The following HCN1 variants were observed in gnomAD, a reference collection of about 807,000 sequenced individuals.
The protein encoded by HCN1 is potassium/sodium hyperpolarization-activated cyclic nucleotide-gated channel 1.
Under a neutral mutation model 78.9 loss-of-function variants are expected in HCN1, and 13 were observed. That is an observed-to-expected ratio of 0.16 (90% CI 0.11 to 0.26). The LOEUF is 0.26. Ranked by LOEUF, HCN1 falls within the 10% of genes least tolerant of loss-of-function variation. The pLI, the probability that HCN1 is intolerant of heterozygous loss-of-function variation, is 1.00. For missense variants in HCN1, 810 were observed against 1,154.3 expected (o/e 0.70, Z 4.32); for synonymous variants, 552 against 455.5 (o/e 1.21, Z -2.70).
intron 2 of HCN1, 80 bp from the exon 3 acceptor site, chr5:45,462,087 T>A: frequency 9.4e-7 from 1 of 1,059,304 alleles, no homozygotes; most frequent in South Asian, 1.3e-5. Context: ...TAGGCATTGA[T>A]GTTGTGTAGC....
chr5:45,538,779 G>C (rs554491738), intron 2 of HCN1, among the ~76,000 whole-genome samples: 6 of 152,068 alleles, frequency 3.9e-5, no homozygotes, highest in Admixed American at 6.6e-5. Context: ...TTAAAAAAAA[G>C]ATTTCTTGTA....
intron 6 of HCN1, among the ~76,000 whole-genome samples, chr5:45,300,113 T>G (rs1005477000): frequency 6.6e-6 from 1 of 152,014 alleles, no homozygotes; most frequent in Admixed American, 6.6e-5. Context: ...ATTTAAAACC[T>G]CCTCTGAATT....
At position 45,619,398 on chromosome 5, in the gene HCN1, G is replaced by A. The variant is rs544827723; in HGVS notation, c.849+25787C>T. On this transcript the variant is annotated intron_variant, in intron 2 of 7. Transcript: ENST00000303230. ...GAATACACGGTGAATCGAACATTGT[G>A]TAGTGCCAGAAAATAAGGAAGTGCT... 3.7e-4 allele frequency among the ~76,000 whole-genome samples: 56 copies of A among 152,226 alleles called. 1 individual carries two copies. The highest frequency in any genetic ancestry group is 1.4e-3 in the Admixed American group (22 of 15,280).
chr5:45,500,593 TTAAA>T (rs1742167588), intron 2 of HCN1, among the ~76,000 whole-genome samples: 1 of 152,172 alleles, frequency 6.6e-6, no homozygotes, highest in African/African-American at 2.4e-5. Flanking sequence ...ACAATATAGT[TTAAA>T]TAACCCATAA....
chr5:45,621,713 CA>C (rs1745065572), intron 2 of HCN1, among the ~76,000 whole-genome samples: 1 of 151,794 alleles, frequency 6.6e-6, no homozygotes, highest in Non-Finnish European at 1.5e-5. Flanking sequence ...TTTTGAATAC[CA>C]CATAAATACA....
intron 2 of HCN1, among the ~76,000 whole-genome samples, chr5:45,590,508 C>T (rs988379587): frequency 3.3e-5 from 5 of 152,144 alleles, no homozygotes; most frequent in Non-Finnish European, 5.9e-5. Flanking sequence ...TTTGTTATTA[C>T]CCAAAGTCCA....
At chr5:45,655,310 TCAAA>T (rs1265169143) in intron 1 of HCN1, among the ~76,000 whole-genome samples, 1 of 152,092 alleles carries the variant, frequency 6.6e-6, no homozygotes, top group Non-Finnish European at 1.5e-5. Context: ...TGTTTGATAC[TCAAA>T]CAACCAAAGA....
At chr5:45,636,787 C>A (rs1580010878) in intron 2 of HCN1, among the ~76,000 whole-genome samples, 1 of 152,102 alleles carries the variant, frequency 6.6e-6, no homozygotes, top group Admixed American at 6.5e-5. Flanking sequence ...TTGCAGTGAG[C>A]TATATAATCC....
intron 3 of HCN1, among the ~76,000 whole-genome samples, chr5:45,457,132 A>AT (rs1478071543): frequency 6.6e-6 from 1 of 152,080 alleles, no homozygotes; most frequent in Non-Finnish European, 1.5e-5. Flanking sequence ...TTAAAGAAAG[A>AT]TTGCTCTAGG....
intron 3 of HCN1, among the ~76,000 whole-genome samples, chr5:45,400,685 G>C (rs961313222): frequency 2.6e-5 from 4 of 152,018 alleles, no homozygotes; most frequent in African/African-American, 9.7e-5. Context: ...GGGATTACAG[G>C]CATGAGCCAC....
chr5:45,423,844 AT>A (rs1740280415), intron 3 of HCN1, among the ~76,000 whole-genome samples: 1 of 152,092 alleles, frequency 6.6e-6, no homozygotes. Context: ...TAAATTGCAT[AT>A]TTTTATTTTT....
chr5:45,498,643 TGGA>T (rs1200819500), intron 2 of HCN1, among the ~76,000 whole-genome samples: 4 of 152,212 alleles, frequency 2.6e-5, no homozygotes, highest in Non-Finnish European at 5.9e-5. Context: ...TGCGTTCCTT[TGGA>T]GGAGGAGAGG....
intron 2 of HCN1, among the ~76,000 whole-genome samples, chr5:45,619,928 A>G (rs1313711810): frequency 6.6e-6 from 1 of 152,128 alleles, no homozygotes; most frequent in Admixed American, 6.6e-5. Context: ...AAGGAAAAAT[A>G]GTATCTTTAC....
rs545549427 is a variant in HCN1 at position 45,445,828 on chromosome 5, C to A, written c.1011+16018G>T. The stretch of plus-strand genomic sequence containing the variant: ...TCCAACAGACCTGCAGCTGAGGGTC[C>A]TGTCTGTTAGAAGGAAAACTAACAA... On this transcript the variant is annotated intron_variant, in intron 3 of 7. Transcript: ENST00000303230. Among the ~76,000 whole-genome samples, 241 of 152,294 alleles carry A rather than the reference C, an allele frequency of 1.6e-3. 1 individual carries two copies. The highest frequency in any genetic ancestry group is 2.9e-3 in the Non-Finnish European group (194 of 68,032).
chr5:45,603,731 C>T (rs1322298983), intron 2 of HCN1, among the ~76,000 whole-genome samples: 1 of 151,938 alleles, frequency 6.6e-6, no homozygotes, highest in Non-Finnish European at 1.5e-5. Flanking sequence ...AATAGCATAA[C>T]ACAAAATGAA....
intron 5 of HCN1, among the ~76,000 whole-genome samples, chr5:45,308,902 G>T (rs969110567): frequency 5.3e-5 from 8 of 152,112 alleles, no homozygotes; most frequent in African/African-American, 1.9e-4. Context: ...GTTCTGTGAA[G>T]AATGTCAGCG....
chr5:45,499,173 C>G (rs768325113), intron 2 of HCN1, among the ~76,000 whole-genome samples: 1 of 152,200 alleles, frequency 6.6e-6, no homozygotes, highest in Non-Finnish European at 1.5e-5. Flanking sequence ...GGGCACCCCT[C>G]CCCGAGCTTT....
intron 4 of HCN1, 105 bp from the exon 5 acceptor site, chr5:45,353,351 C>A (rs1010586824): frequency 2.8e-5 from 23 of 823,082 alleles, no homozygotes; most frequent in African/African-American, 1.1e-4. Flanking sequence ...TACTCAGTTA[C>A]AAAAAAAAAG....
intron 3 of HCN1, among the ~76,000 whole-genome samples, chr5:45,410,149 T>C (rs1473160039): frequency 1.3e-5 from 2 of 151,948 alleles, no homozygotes; most frequent in Non-Finnish European, 2.9e-5. Flanking sequence ...TTAATAGACA[T>C]GGTGATTATC....
Sources: gnomAD v4.1 joint callset for allele counts (sites outside exome capture counted in the v4.1 genomes callset) on GRCh38, gnomAD v4.1.1 for gene constraint, MANE v1.5 for transcripts, NCBI Gene and HGNC (gene_info 2026-07-23, HGNC 2026-07-21) for gene names.